FMNL2: variants seen among roughly 807,000 people sequenced by gnomAD.
FMNL2 encodes the protein formin like 2, also known as formin-like protein 2.
Under a neutral mutation model 130.2 loss-of-function variants are expected in FMNL2, and 51 were observed. The observed-to-expected ratio is 0.39, with a 90% confidence interval of 0.31 to 0.49. FMNL2 has a LOEUF of 0.49. Ranked by LOEUF, FMNL2 falls within the 20% of genes least tolerant of loss-of-function variation. The probability of loss-of-function intolerance (pLI) is 0.85; values close to 1 mark genes in which losing one functional copy is unlikely to be tolerated. For synonymous variants in FMNL2, 465 were observed against 467.1 expected, an observed-to-expected ratio of 1.00 and a Z score of 0.06; for missense variants, 977 against 1,316.2, an observed-to-expected ratio of 0.74 and a Z score of 3.99.
chr2:152,410,885 G>T (rs1686247708), intron 1 of FMNL2, among the ~76,000 whole-genome samples: 1 of 152,132 alleles, frequency 6.6e-6, no homozygotes, highest in African/African-American at 2.4e-5. Context: ...TTCCTAGAGG[G>T]GTCGTTGTGG....
At chr2:152,433,999 C>T (rs1687621404) in intron 1 of FMNL2, among the ~76,000 whole-genome samples, 1 of 152,074 alleles carries the variant, frequency 6.6e-6, no homozygotes, top group Non-Finnish European at 1.5e-5. Flanking sequence ...TAATGTCATG[C>T]AAGGAGAAAG....
chr2:152,382,578 C>T (rs913648491), intron 1 of FMNL2, among the ~76,000 whole-genome samples: 1 of 152,106 alleles, frequency 6.6e-6, no homozygotes, highest in African/African-American at 2.4e-5. Context: ...TAACTGCATT[C>T]TTAGGGCTCT....
intron 1 of FMNL2, among the ~76,000 whole-genome samples, chr2:152,339,056 A>G (rs906177386): frequency 2.0e-5 from 3 of 152,234 alleles, no homozygotes; most frequent in East Asian, 1.9e-4. Flanking sequence ...TGTAATAGCC[A>G]TGTGGCCCTC....
chr2:152,593,884 TGTGTGTGTGTGTGTGTGTGAGA>T (rs1697596432), intron 9 of FMNL2, among the ~76,000 whole-genome samples: 2 of 108,510 alleles, frequency 1.8e-5, no homozygotes, highest in African/African-American at 3.3e-5. Context: ...TGTGTGTGTG[TGTGTGTGTGTGTGTGTGTGAGA>T]GAGAGAGAGA....
chr2:152,545,302 T>C (rs1290388080), intron 3 of FMNL2, among the ~76,000 whole-genome samples: 1 of 152,190 alleles, frequency 6.6e-6, no homozygotes, highest in Non-Finnish European at 1.5e-5. Context: ...GGGCTTTAAA[T>C]TTCAGCCAGA....
chr2:152,367,761 A>T (rs1470030244), intron 1 of FMNL2, among the ~76,000 whole-genome samples: 1 of 152,138 alleles, frequency 6.6e-6, no homozygotes, highest in Admixed American at 6.5e-5. Flanking sequence ...TTTCATCTTT[A>T]AGCTAATTTG....
At chr2:152,336,613 A>C (rs1218238878) in intron 1 of FMNL2, among the ~76,000 whole-genome samples, 2 of 151,980 alleles carry the variant, frequency 1.3e-5, no homozygotes, top group African/African-American at 4.8e-5. Context: ...CTCCCAGCCG[A>C]GGCTTGTGCT....
chr2:152,404,734 G>C lies in FMNL2; in HGVS notation c.117+69014G>C, dbSNP rs766917424. On this transcript the variant is annotated intron_variant, in intron 1 of 25. Transcript: ENST00000288670. ...ATCCTTATTTGCATCATTCAGTCCA[G>C]TGGGTGCCGTTAGCTACCATCCTAG... Among the ~76,000 whole-genome samples the C allele has an allele frequency of 2.6e-4, 40 of 152,330 alleles. 1 individual carries two copies. Among genetic ancestry groups the C allele is most frequent in the Non-Finnish European group, 4.4e-4 (30 of 68,036 alleles).
intron 25 of FMNL2, among the ~76,000 whole-genome samples, chr2:152,646,167 A>AAAAAAC (rs1553495119): frequency 1.3e-5 from 2 of 150,138 alleles, no homozygotes; most frequent in South Asian, 2.1e-4. Context: ...CAAAAAAAAA[A>AAAAAAC]AAACAAACAA....
chr2:152,465,353 C>T (rs990805170), intron 1 of FMNL2, among the ~76,000 whole-genome samples: 4 of 152,112 alleles, frequency 2.6e-5, no homozygotes, highest in Non-Finnish European at 4.4e-5. Flanking sequence ...CAAAGGAGCC[C>T]GAGAGCAGGA....
chr2:152,544,132 C>G (rs931637416), intron 3 of FMNL2, among the ~76,000 whole-genome samples: 2 of 152,048 alleles, frequency 1.3e-5, no homozygotes, highest in Non-Finnish European at 2.9e-5. Flanking sequence ...GAGGATACAC[C>G]CAGGCCTGGC....
chr2:152,410,641 C>T (rs191688893), intron 1 of FMNL2, among the ~76,000 whole-genome samples: 12 of 152,322 alleles, frequency 7.9e-5, no homozygotes, highest in East Asian at 1.9e-4. Context: ...AAGGGGCTCA[C>T]GCCTGGTGGA....
At chr2:152,617,227 C>A in intron 13 of FMNL2, 35 bp downstream of exon 13, 1 of 1,581,814 alleles carries the variant, frequency 6.3e-7, no homozygotes, top group Non-Finnish European at 8.7e-7. Context: ...CAGATGGGCA[C>A]GGTAGGGAAT....
chr2:152,347,966 C>T (rs1336831795), intron 1 of FMNL2, among the ~76,000 whole-genome samples: 2 of 151,848 alleles, frequency 1.3e-5, no homozygotes, highest in African/African-American at 4.8e-5. Context: ...ATCCCTGTCC[C>T]CAGATTAGGC....
chr2:152,429,214 A>G (rs1687354845), intron 1 of FMNL2, among the ~76,000 whole-genome samples: 1 of 121,146 alleles, frequency 8.3e-6, no homozygotes, highest in Non-Finnish European at 1.6e-5. Context: ...CCTTAGAGGA[A>G]CAAAAAAAAA....
chr2:152,400,716 G>C (rs1301002418), intron 1 of FMNL2, among the ~76,000 whole-genome samples: 1 of 152,166 alleles, frequency 6.6e-6, no homozygotes, highest in East Asian at 1.9e-4. Flanking sequence ...TGTGTCCTGT[G>C]CTTTGTAGGA....
chr2:152,607,111 T>TA (rs1371027765), intron 9 of FMNL2, among the ~76,000 whole-genome samples: 1 of 151,634 alleles, frequency 6.6e-6, no homozygotes, highest in African/African-American at 2.4e-5. Flanking sequence ...ACACATTTGA[T>TA]ATGGATTTCA....
chr2:152,431,250 C>T (rs528502389), intron 1 of FMNL2, among the ~76,000 whole-genome samples: 161 of 152,160 alleles, frequency 1.1e-3, no homozygotes, highest in Non-Finnish European at 1.9e-3. Flanking sequence ...GAAAATAATC[C>T]CTACCCTCAT....
chr2:152,469,486 C>T (rs13014071), intron 1 of FMNL2, among the ~76,000 whole-genome samples: 12,365 of 152,254 alleles, frequency 0.081, 689 homozygotes, highest in Non-Finnish European at 0.12. Context: ...GCACCCACAG[C>T]TGCACCCGTC....
Sources: allele counts gnomAD v4.1 joint callset (sites outside exome capture counted in the v4.1 genomes callset), GRCh38; gene constraint gnomAD v4.1.1; transcripts MANE v1.5; gene names NCBI Gene and HGNC (gene_info 2026-07-23, HGNC 2026-07-21).